STAU1: variants seen among roughly 807,000 people sequenced by gnomAD.
STAU1 encodes double-stranded RNA-binding protein Staufen homolog 1.
STAU1 carries 13 observed loss-of-function variants against 62.9 expected under a neutral mutation model. The ratio of observed to expected loss-of-function variants is 0.21; its 90% CI spans 0.13 to 0.33. The LOEUF is 0.33. Ranked by LOEUF, STAU1 falls within the 10% of genes least tolerant of loss-of-function variation. The pLI is 1.00. For missense variants in STAU1, 571 were observed against 712.1 expected (o/e 0.80, Z 2.25); for synonymous variants, 269 against 265.1 (o/e 1.01, Z -0.14).
At chr20:49,204,638 A>ATT in the STAU1 span, among the ~76,000 whole-genome samples, 1 of 54,192 alleles carries the variant, frequency 1.8e-5, no homozygotes, top group Non-Finnish European at 3.0e-5. Flanking sequence ...ATATATATAT[A>ATT]TATATATATT....
chr20:49,193,878 A>C, the STAU1 span, among the ~76,000 whole-genome samples: 1 of 152,042 alleles, frequency 6.6e-6, no homozygotes, highest in African/African-American at 2.4e-5. Flanking sequence ...CTGAGTCAGG[A>C]GAATGGCGTG....
chr20:49,189,908 G>T (rs1265280712), upstream of STAU1, among the ~76,000 whole-genome samples: 1 of 152,198 alleles, frequency 6.6e-6, no homozygotes, highest in African/African-American at 2.4e-5. Context: ...AGGCTTTGGA[G>T]CCTTAGCGAA....
intron 4 of STAU1, among the ~76,000 whole-genome samples, chr20:49,152,834 T>C (rs1179173062): frequency 6.6e-6 from 1 of 152,182 alleles, no homozygotes; most frequent in African/African-American, 2.4e-5. Context: ...GGGAATCATG[T>C]TTAAATATGA....
chr20:49,186,333 G>A (rs1215329226), intron 1 of STAU1, among the ~76,000 whole-genome samples: 1 of 150,104 alleles, frequency 6.7e-6, no homozygotes, highest in South Asian at 2.1e-4. Flanking sequence ...GCGACAGCGT[G>A]AGACTGTCTC....
rs534988758 is a variant in STAU1 at position 49,122,968 on chromosome 20, G to A, written c.966+124C>T. 1.2e-4 allele frequency: 110 copies of A among 895,554 alleles called. No homozygotes were observed. The African/African-American group carries it at 1.7e-3, about 14-fold the overall frequency. 55.5% of individuals were successfully genotyped at this position (895,554 alleles called of 1,614,324 possible). A position where few individuals can be genotyped will look rare whatever the true frequency, so the allele number is the denominator to read the frequency against. On this transcript the variant is annotated intron_variant, in intron 8 of 13. Coordinates refer to ENST00000371856, the MANE Select transcript of STAU1 (RefSeq NM_017453.4). ...AAATAAATAAATAAGGATCACAGTC[G>A]CTGGCAGAACATGGCCCACAGGATC...
rs2092352915 is a variant in STAU1 at position 49,117,350 on chromosome 20, T to C, written c.1510-102A>G. The C allele has an allele frequency of 4.1e-6, 6 of 1,451,030 alleles. No homozygotes were observed. The highest frequency in any genetic ancestry group is 5.7e-6 in the Non-Finnish European group (6 of 1,059,088). 89.9% of individuals were successfully genotyped at this position (1,451,030 alleles called of 1,614,324 possible). The stretch of plus-strand genomic sequence containing the variant: ...CCACAAGCAAGATCACCAGCTCTTT[T>C]TTCCAACTCAGCCCCACTGTGGCCA... On this transcript the variant is annotated intron_variant, in intron 11 of 13. Transcript: ENST00000371856. The surrounding 1 kb of genome is among the most constrained non-coding windows in gnomAD (Gnocchi z 4.6).
intron 6 of STAU1, among the ~76,000 whole-genome samples, chr20:49,132,215 AAC>A (rs1446717725): frequency 3.3e-5 from 5 of 152,134 alleles, no homozygotes; most frequent in African/African-American, 1.2e-4. Flanking sequence ...TTCTTCCCAC[AAC>A]AGTGCTTTCC....
chr20:49,193,082 AGTG>A (rs2093833229), upstream of STAU1, among the ~76,000 whole-genome samples: 1 of 152,182 alleles, frequency 6.6e-6, no homozygotes, highest in Admixed American at 6.6e-5. Flanking sequence ...ACTCAGTAAA[AGTG>A]GTATTTCAAG....
chr20:49,143,891 C>T (rs2093064792), intron 5 of STAU1, among the ~76,000 whole-genome samples: 1 of 152,182 alleles, frequency 6.6e-6, no homozygotes, highest in Non-Finnish European at 1.5e-5. Context: ...CAACTAACTG[C>T]TCATCACCTG....
At chr20:49,115,726 C>T in intron 13 of STAU1, 56 bp downstream of exon 13, 1 of 1,471,150 alleles carries the variant, frequency 6.8e-7, no homozygotes, top group Non-Finnish European at 9.5e-7. Context: ...AAACTCAACA[C>T]AAACGAGGGG....
At chr20:49,118,201 G>A in intron 10 of STAU1, 105 bp from the exon 11 acceptor site, 1 of 1,387,416 alleles carries the variant, frequency 7.2e-7, no homozygotes. Flanking sequence ...ACGCATGGCA[G>A]CGCAGGGAAT....
chr20:49,158,981 TA>T, intron 3 of STAU1: 1 of 1,301,322 alleles, frequency 7.7e-7, no homozygotes, highest in South Asian at 1.2e-5. Context: ...GGGTCTCCTT[TA>T]TTATATGTTC....
intron 5 of STAU1, among the ~76,000 whole-genome samples, chr20:49,142,367 C>T (rs1568866199): frequency 6.6e-6 from 1 of 152,044 alleles, no homozygotes; most frequent in African/African-American, 2.4e-5. Flanking sequence ...GAATTACAGG[C>T]GTGAGCCACC....
At chr20:49,187,862 G>C (rs1486846654) in intron 1 of STAU1, among the ~76,000 whole-genome samples, 4 of 146,034 alleles carry the variant, frequency 2.7e-5, no homozygotes, top group African/African-American at 9.9e-5. Flanking sequence ...GGCGGCCGCA[G>C]CACCTGTTTG....
intron 9 of STAU1, among the ~76,000 whole-genome samples, chr20:49,119,416 C>T (rs1257723792): frequency 1.3e-5 from 2 of 152,068 alleles, no homozygotes; most frequent in African/African-American, 2.4e-5. Context: ...GGATTCAAGG[C>T]CTCAGCCTCC....
chr20:49,117,987 T>C lies in STAU1; in HGVS notation c.1299A>G (p.Gly433=), dbSNP rs1009896433. 3 of 1,614,230 alleles carry C rather than the reference T, an allele frequency of 1.9e-6. No individual in the cohort carries two copies. The highest frequency in any genetic ancestry group is 1.7e-6 in the Non-Finnish European group (2 of 1,180,048). The change falls in exon 11 of 14, where the codon GGA becomes GGG. Residue 433 remains glycine (G), a synonymous_variant. Transcript: ENST00000371856. This position sits in a 1 kb window ranked among gnomAD's most constrained non-coding sequence, Gnocchi z 4.6. ...CCCTGGTAAAATCTTTGGTGTGATGTCCTTGACTAACTCCTACAGCCTGGG... is the reference window on the plus strand; with the variant it reads ...CCCTGGTAAAATCTTTGGTGTGATGCCCTTGACTAACTCCTACAGCCTGGG... ...EVAQAVGVSQ[G]HHTKDFTRAA... is the part of the protein sequence containing the mutation.
At chr20:49,217,699 A>G in the STAU1 span, among the ~76,000 whole-genome samples, 4 of 142,688 alleles carry the variant, frequency 2.8e-5, no homozygotes, top group Admixed American at 2.9e-4. Flanking sequence ...ATATATTTTT[A>G]GGCCAGGCGC....
the STAU1 span, among the ~76,000 whole-genome samples, chr20:49,216,397 G>A: frequency 2.6e-5 from 4 of 151,706 alleles, no homozygotes; most frequent in African/African-American, 7.3e-5. Context: ...GCATGGTGGC[G>A]GGTGCCTGTA....
chr20:49,157,123 T>C (rs2093372072), intron 3 of STAU1, among the ~76,000 whole-genome samples: 2 of 152,100 alleles, frequency 1.3e-5, no homozygotes, highest in Admixed American at 1.3e-4. Flanking sequence ...GTGATCCACC[T>C]GCCTCAGTCT....
Sources: gnomAD v4.1 joint callset for allele counts (sites outside exome capture counted in the v4.1 genomes callset) on GRCh38, gnomAD v4.1.1 for gene constraint, Gnocchi (gnomAD v3.1) non-coding constraint, MANE v1.5 for transcripts, NCBI Gene and HGNC (gene_info 2026-07-23, HGNC 2026-07-21) for gene names.